The following DISP1 variants were observed in gnomAD, a reference collection of about 807,000 sequenced individuals.
DISP1 encodes protein dispatched homolog 1.
DISP1 carries 30 observed loss-of-function variants against 37.3 expected under a neutral mutation model. The observed-to-expected ratio is 0.80, with a 90% CI of 0.60 to 1.09. The LOEUF (loss-of-function observed/expected upper bound fraction) is 1.09. Ranked by LOEUF, DISP1 falls within the 50% of genes least tolerant of loss-of-function variation. The pLI is 0.00. For missense variants in DISP1, 1,598 were observed against 1,879.5 expected, an observed-to-expected ratio of 0.85 and a Z score of 2.77; for synonymous variants, 634 against 690.2, an observed-to-expected ratio of 0.92 and a Z score of 1.28.
intron 1 of DISP1, among the ~76,000 whole-genome samples, chr1:222,913,684 ATC>A: frequency 6.6e-6 from 1 of 152,110 alleles, no homozygotes. Flanking sequence ...AGATGGGAGG[ATC>A]TCTTGAGACT....
At chr1:222,825,722 C>T (rs1047845717) in intron 1 of DISP1, among the ~76,000 whole-genome samples, 2 of 151,978 alleles carry the variant, frequency 1.3e-5, no homozygotes, top group Non-Finnish European at 2.9e-5. Flanking sequence ...AGGCTGGTCT[C>T]GAACTCCTGG....
At chr1:222,995,010 T>G in intron 8 of DISP1, 28 bp downstream of exon 8, 1 of 1,536,398 alleles carries the variant, frequency 6.5e-7, no homozygotes, top group Non-Finnish European at 9.0e-7. Context: ...TAAAATCTCC[T>G]TAGCACAAAT....
At chr1:222,874,516 C>G (rs533089670) in intron 1 of DISP1, among the ~76,000 whole-genome samples, 1 of 152,264 alleles carries the variant, frequency 6.6e-6, no homozygotes, top group East Asian at 1.9e-4. Context: ...ATTTCGTCTT[C>G]CATCACTGAT....
chr1:222,975,136 C>T (rs2102659476), intron 3 of DISP1, among the ~76,000 whole-genome samples: 1 of 152,256 alleles, frequency 6.6e-6, no homozygotes, highest in East Asian at 1.9e-4. Context: ...AGCAATCCTC[C>T]CTTCTCAGCC....
At chr1:222,885,870 A>G (rs1000088733) in intron 1 of DISP1, among the ~76,000 whole-genome samples, 3 of 148,584 alleles carry the variant, frequency 2.0e-5, no homozygotes, top group Non-Finnish European at 4.5e-5. Flanking sequence ...TCATGGGGAT[A>G]CACACACACA....
chr1:222,867,810 G>A (rs1669282791), intron 1 of DISP1, among the ~76,000 whole-genome samples: 1 of 152,106 alleles, frequency 6.6e-6, no homozygotes, highest in African/African-American at 2.4e-5. Flanking sequence ...ATTTATATAG[G>A]CAATGATCTA....
chr1:222,919,293 C>A (rs1268090370), intron 1 of DISP1, among the ~76,000 whole-genome samples: 1 of 152,200 alleles, frequency 6.6e-6, no homozygotes, highest in African/African-American at 2.4e-5. Flanking sequence ...GGCAAACTGA[C>A]AAACTGCATC....
At chr1:222,852,533 A>G (rs1229803463) in intron 1 of DISP1, among the ~76,000 whole-genome samples, 5 of 152,102 alleles carry the variant, frequency 3.3e-5, no homozygotes, top group African/African-American at 9.7e-5. Flanking sequence ...AACTAAAATC[A>G]TCATTCACAT....
In DISP1 at chr1:222,826,127, C is replaced by T. The variant is rs577082446; in HGVS notation, c.-159+11049C>T. Among the ~76,000 whole-genome samples the T allele has an allele frequency of 3.9e-5, 6 of 152,196 alleles. No individual in the cohort carries two copies. The East Asian group carries it at 9.7e-4, about 25-fold the overall frequency. ...TTTCATTGCCTATGTTGGTCTTGAA[C>T]TCCTGAGCTCAAGCTGTCCTCCCGT... On this transcript the variant is annotated intron_variant, in intron 1 of 8. Transcript: ENST00000675850.
chr1:222,973,483 A>T (rs1437616644), intron 3 of DISP1, among the ~76,000 whole-genome samples: 1 of 152,134 alleles, frequency 6.6e-6, no homozygotes, highest in African/African-American at 2.4e-5. Context: ...ATATCAGTGT[A>T]TGTGTATGTA....
At chr1:222,979,133 G>T (rs905770472) in intron 3 of DISP1, among the ~76,000 whole-genome samples, 4 of 152,206 alleles carry the variant, frequency 2.6e-5, no homozygotes, top group African/African-American at 9.6e-5. Flanking sequence ...TATAAGCTGG[G>T]CACAGGGGCT....
chr1:222,842,688 G>C (rs940104273), intron 1 of DISP1, among the ~76,000 whole-genome samples: 1 of 151,988 alleles, frequency 6.6e-6, no homozygotes, highest in Non-Finnish European at 1.5e-5. Flanking sequence ...TAACACACAG[G>C]CTTTGGAGAG....
chr1:222,883,344 G>T (rs76899157), intron 1 of DISP1, among the ~76,000 whole-genome samples: 1,539 of 152,262 alleles, frequency 0.01, 26 homozygotes, highest in African/African-American at 0.032. Flanking sequence ...AGATGGCTGG[G>T]CACGGTGGCT....
intron 3 of DISP1, among the ~76,000 whole-genome samples, chr1:222,950,301 CTTAAAACATG>C (rs1675113183): frequency 6.6e-6 from 1 of 152,034 alleles, no homozygotes; most frequent in African/African-American, 2.4e-5. Context: ...TAAAATATTT[CTTAAAACATG>C]TAAGAAAGGG....
intron 2 of DISP1, among the ~76,000 whole-genome samples, chr1:222,935,173 G>C (rs1273668209): frequency 6.6e-6 from 1 of 152,076 alleles, no homozygotes; most frequent in Admixed American, 6.6e-5. Context: ...TATTCTAACT[G>C]CATCTCTAGG....
intron 1 of DISP1, among the ~76,000 whole-genome samples, chr1:222,885,206 C>T (rs1178819516): frequency 6.6e-6 from 1 of 152,132 alleles, no homozygotes; most frequent in African/African-American, 2.4e-5. Flanking sequence ...AGATCCATTT[C>T]TTCTTCCTCA....
At chr1:222,973,169 T>A (rs1162334078) in intron 3 of DISP1, among the ~76,000 whole-genome samples, 1 of 152,240 alleles carries the variant, frequency 6.6e-6, no homozygotes, top group Admixed American at 6.5e-5. Context: ...AAAATGTTTC[T>A]ATCACATGTA....
At chr1:222,879,019 TTGTC>T (rs1484045902) in intron 1 of DISP1, among the ~76,000 whole-genome samples, 2 of 152,142 alleles carry the variant, frequency 1.3e-5, no homozygotes, top group Admixed American at 6.5e-5. Context: ...GCTTGGTTCT[TTGTC>T]TGGTTCTTCG....
At chr1:222,911,082 G>A (rs751872829) in intron 1 of DISP1, among the ~76,000 whole-genome samples, 1 of 152,108 alleles carries the variant, frequency 6.6e-6, no homozygotes, top group Non-Finnish European at 1.5e-5. Context: ...ATTGTCTTCA[G>A]GGCTTTCTCT....
Sources: gnomAD v4.1 joint callset for allele counts (sites outside exome capture counted in the v4.1 genomes callset) on GRCh38, gnomAD v4.1.1 for gene constraint, MANE v1.5 for transcripts, NCBI Gene and HGNC (gene_info 2026-07-23, HGNC 2026-07-21) for gene names.